AFF4: variants seen among roughly 807,000 people sequenced by gnomAD.
AFF4 encodes AF4/FMR2 family member 4.
A neutral mutation model predicts 124.8 loss-of-function variants in AFF4; 13 were observed. The ratio of observed to expected loss-of-function variants is 0.10; its 90% CI spans 0.07 to 0.17. The LOEUF is 0.17. Ranked by LOEUF, AFF4 falls within the 10% of genes least tolerant of loss-of-function variation. The pLI is 1.00. For synonymous variants in AFF4, 477 were observed against 496.1 expected (o/e 0.96, Z 0.51); for missense variants, 1,092 against 1,403.8 (o/e 0.78, Z 3.55).
chr5:132,922,322 G>A (rs1761066269), intron 5 of AFF4, among the ~76,000 whole-genome samples: 1 of 150,732 alleles, frequency 6.6e-6, no homozygotes, highest in African/African-American at 2.4e-5. Context: ...GGGAGGCTGA[G>A]GTGAGAGACT....
chr5:132,888,089 C>T lies in AFF4; in HGVS notation c.2796+8G>A. The T allele has an allele frequency of 2.5e-6, 4 of 1,610,192 alleles. No homozygotes were observed. The highest frequency in any genetic ancestry group is 3.4e-6 in the Non-Finnish European group (4 of 1,177,214). Reference sequence around the variant, plus strand: ...AAATACGTAAGTGTAAGGAGAATATCTACATACCAATGCATCTGCATTGTG... The same window carrying T: ...AAATACGTAAGTGTAAGGAGAATATTTACATACCAATGCATCTGCATTGTG... On this transcript the variant is annotated splice_region_variant and intron_variant, in intron 15 of 20. Coordinates refer to ENST00000265343, the MANE Select transcript of AFF4 (RefSeq NM_014423.4).
rs747377152 is a variant in AFF4 at position 132,932,168 on chromosome 5, A to ATTT, written c.963+9_963+10insAAA. ...AAAGAAATTGAAATGATTTTTTTTA[A>ATTT]AAAACTTACTTTTAGGATTTCATCC... On this transcript the variant is annotated intron_variant, in intron 4 of 20. Coordinates refer to ENST00000265343, the MANE Select transcript of AFF4 (RefSeq NM_014423.4). The ATTT allele has an allele frequency of 5.1e-6, 8 of 1,556,760 alleles. No individual in the cohort carries two copies. The highest frequency in any genetic ancestry group is 7.0e-6 in the Non-Finnish European group (8 of 1,146,458).
Position 132,880,122 on chromosome 5 carries a change from C to A in AFF4, c.*937G>T, listed in dbSNP as rs1293853334. On this transcript the variant is annotated 3_prime_UTR_variant, in exon 21 of 21. Coordinates refer to ENST00000265343, the MANE Select transcript of AFF4 (RefSeq NM_014423.4). ...CAATTAAAGACACACAGGCGGCAAT[C>A]CTCAGGAGTTGGATCATCCTTTTTT... 2 of 397,964 alleles carry A rather than the reference C, an allele frequency of 5.0e-6. No individual in the cohort carries two copies. The highest frequency in any genetic ancestry group is 2.1e-5 in the African/African-American group (1 of 48,598). The allele number at this position is 397,964 out of a possible 1,614,324, so 24.7% of individuals were successfully genotyped here.
chr5:132,962,150 T>G (rs1762093919), intron 1 of AFF4, among the ~76,000 whole-genome samples: 2 of 152,202 alleles, frequency 1.3e-5, no homozygotes, highest in Admixed American at 1.3e-4. Flanking sequence ...ATATTTCAAT[T>G]TTGATAAGTT....
intron 6 of AFF4, 22 bp downstream of exon 6, chr5:132,904,346 A>G (rs1316811184): frequency 6.2e-7 from 1 of 1,606,146 alleles, no homozygotes; most frequent in East Asian, 2.2e-5. Context: ...ATTTGAAAAC[A>G]AAGAGGGAAA....
intron 1 of AFF4, among the ~76,000 whole-genome samples, chr5:132,938,269 C>CTT (rs780241930): frequency 2.8e-5 from 4 of 143,570 alleles, no homozygotes; most frequent in South Asian, 2.2e-4. Flanking sequence ...GTATTATACT[C>CTT]TTTTTTTTTT....
At chr5:132,921,890 C>T (rs959442126) in intron 5 of AFF4, among the ~76,000 whole-genome samples, 2 of 151,526 alleles carry the variant, frequency 1.3e-5, no homozygotes, top group African/African-American at 2.4e-5. Flanking sequence ...AAGCAATCCT[C>T]CCAGCTTAGC....
chr5:132,917,499 T>C (rs1247456519), intron 5 of AFF4, among the ~76,000 whole-genome samples: 2 of 152,106 alleles, frequency 1.3e-5, no homozygotes, highest in Admixed American at 1.3e-4. Flanking sequence ...TTCAACATCA[T>C]ACTAGAGATT....
At position 132,878,906 on chromosome 5, in the gene AFF4, T is replaced by A. The variant is rs189320402; in HGVS notation, c.*2153A>T. On this transcript the variant is annotated 3_prime_UTR_variant, in exon 21 of 21. Coordinates refer to ENST00000265343, the MANE Select transcript of AFF4 (RefSeq NM_014423.4). ...GAAAGCCCAGAGGATACTTTTTCCA[T>A]TTCTAAGACATCACTGCAAATTAAG... The A allele has an allele frequency of 1.6e-4, 35 of 221,900 alleles. No homozygotes were observed. The highest frequency in any genetic ancestry group is 5.5e-4 in the South Asian group (3 of 5,452). 13.7% of individuals were successfully genotyped at this position (221,900 alleles called of 1,614,324 possible).
At chr5:132,952,791 G>A (rs542344857) in intron 1 of AFF4, among the ~76,000 whole-genome samples, 22 of 152,142 alleles carry the variant, frequency 1.4e-4, no homozygotes, top group African/African-American at 4.6e-4. Context: ...CCACCTACTC[G>A]AGAGGCTGTG....
At position 132,902,494 on chromosome 5, in the gene AFF4, C is replaced by A; in HGVS notation, c.1088-7G>T. ...TTAGAAGGATTATATCTTTCTGGAA[C>A]AAAAAGAATGAAGTGAGCAACTAAA... On this transcript the variant is annotated splice_region_variant and splice_polypyrimidine_tract_variant and intron_variant, in intron 6 of 20. Transcript: ENST00000265343. 6.2e-7 allele frequency: 1 copy of A among 1,605,670 alleles called. No individual in the cohort carries two copies. The highest frequency in any genetic ancestry group is 1.1e-5 in the South Asian group (1 of 90,884).
At chr5:132,918,621 C>G (rs1760970817) in intron 5 of AFF4, among the ~76,000 whole-genome samples, 1 of 152,150 alleles carries the variant, frequency 6.6e-6, no homozygotes, top group Non-Finnish European at 1.5e-5. Flanking sequence ...CCACTGTACT[C>G]CAGCCTGGGT....
chr5:132,942,896 A>T (rs530062897), intron 1 of AFF4: 120 of 207,074 alleles, frequency 5.8e-4, no homozygotes, highest in African/African-American at 2.7e-3. Flanking sequence ...GTTCAAGACC[A>T]CCTTGGGCCA....
intron 6 of AFF4, among the ~76,000 whole-genome samples, chr5:132,902,907 A>G (rs1439590380): frequency 6.6e-6 from 1 of 152,216 alleles, no homozygotes; most frequent in Non-Finnish European, 1.5e-5. Flanking sequence ...TCGATAGGGG[A>G]CTAGTGAAAT....
At position 132,932,183 on chromosome 5, in the gene AFF4, G is replaced by A; in HGVS notation, c.958C>T (p.Leu320=). 1.3e-6 allele frequency: 2 copies of A among 1,592,884 alleles called. No individual in the cohort carries two copies. Among genetic ancestry groups the A allele is most frequent in the Non-Finnish European group, 1.7e-6 (2 of 1,170,924 alleles). The change falls in exon 4 of 21, where the codon CTA becomes TTA. Residue 320 remains leucine (L), a synonymous_variant. Coordinates refer to ENST00000265343, the MANE Select transcript of AFF4 (RefSeq NM_014423.4). ...ATTTTTTTTAAAAAACTTACTTTTA[G>A]GATTTCATCCACACAGCTCACATCA... ...SGDVSCVDEI[L]KEMTHSWPPP...
chr5:132,901,168 C>T lies in AFF4; in HGVS notation c.1133+1274G>A, dbSNP rs954145883. Reference sequence around the variant, plus strand: ...TGTACTTAGTCTGAATTCTCTCGGCCTTTATGATTTAACAATGGCAGCTCA... The same window carrying T: ...TGTACTTAGTCTGAATTCTCTCGGCTTTTATGATTTAACAATGGCAGCTCA... On this transcript the variant is annotated intron_variant, in intron 7 of 20. Coordinates refer to ENST00000265343, the MANE Select transcript of AFF4 (RefSeq NM_014423.4). 5.1e-6 allele frequency: 5 copies of T among 985,130 alleles called. No individual in the cohort carries two copies. In the African/African-American group the frequency reaches 8.7e-5, roughly 17 times the overall value. The allele number at this position is 985,130 out of a possible 1,614,324, so 61.0% of individuals were successfully genotyped here. A position where few individuals can be genotyped will look rare whatever the true frequency, so the allele number is the denominator to read the frequency against.
At chr5:132,911,970 G>C (rs1004539860) in intron 5 of AFF4, among the ~76,000 whole-genome samples, 9 of 151,630 alleles carry the variant, frequency 5.9e-5, no homozygotes, top group African/African-American at 2.2e-4. Flanking sequence ...TTCTATAGCT[G>C]GCAAAAACAC....
At chr5:132,946,591 T>C (rs1385259240) in intron 1 of AFF4, among the ~76,000 whole-genome samples, 1 of 152,112 alleles carries the variant, frequency 6.6e-6, no homozygotes, top group Non-Finnish European at 1.5e-5. Flanking sequence ...AGGACACATA[T>C]TGTATGATTC....
intron 20 of AFF4, among the ~76,000 whole-genome samples, chr5:132,882,977 C>T (rs1760023493): frequency 6.6e-6 from 1 of 151,804 alleles, no homozygotes; most frequent in African/African-American, 2.4e-5. Context: ...CTCAGATGTA[C>T]AGATGTTTGG....
Sources: allele counts gnomAD v4.1 joint callset (sites outside exome capture counted in the v4.1 genomes callset), GRCh38; gene constraint gnomAD v4.1.1; transcripts MANE v1.5; gene names NCBI Gene and HGNC (gene_info 2026-07-23, HGNC 2026-07-21).